The following RBFOX3 variants were observed in gnomAD, a reference collection of about 807,000 sequenced individuals.
RBFOX3 encodes RNA binding protein fox-1 homolog 3.
A neutral mutation model predicts 48.7 loss-of-function variants in RBFOX3; 17 were observed. That is an observed-to-expected ratio of 0.35 (90% CI 0.24 to 0.52). The LOEUF (loss-of-function observed/expected upper bound fraction) is 0.52, where lower values mean the gene tolerates loss of function less well. Among genes scored for constraint, RBFOX3 ranks in the 20% least tolerant of loss-of-function variants. The probability of loss-of-function intolerance (pLI) is 0.94; values close to 1 mark genes in which losing one functional copy is unlikely to be tolerated. For missense variants in RBFOX3, 382 were observed against 497.5 expected (o/e 0.77, Z 2.21); for synonymous variants, 212 against 209.5 (o/e 1.01, Z -0.10).
the RBFOX3 span, among the ~76,000 whole-genome samples, chr17:79,623,306 G>A: frequency 6.6e-6 from 1 of 152,208 alleles, no homozygotes; most frequent in Non-Finnish European, 1.5e-5. Flanking sequence ...CCCACAGCCT[G>A]GGCGCTGAGT....
intron 3 of RBFOX3, among the ~76,000 whole-genome samples, chr17:79,285,649 C>T: frequency 6.6e-6 from 1 of 152,194 alleles, no homozygotes; most frequent in South Asian, 2.1e-4. Flanking sequence ...CCTTTATCTG[C>T]TTTGATAAGG....
chr17:79,366,777 C>T (rs1022133195), intron 2 of RBFOX3, among the ~76,000 whole-genome samples: 6 of 152,344 alleles, frequency 3.9e-5, no homozygotes, highest in South Asian at 2.1e-4. Flanking sequence ...CCCAGCAGGA[C>T]GACCCTTGTC....
chr17:79,647,549 C>T, the RBFOX3 span, among the ~76,000 whole-genome samples: 1 of 152,158 alleles, frequency 6.6e-6, no homozygotes, highest in African/African-American at 2.4e-5. Flanking sequence ...CATTTCCCGG[C>T]ACTGGGAAAT....
intron 1 of RBFOX3, among the ~76,000 whole-genome samples, chr17:79,512,728 C>A (rs372178028): frequency 0.027 from 1,711 of 62,540 alleles, 161 homozygotes; most frequent in East Asian, 0.075. Flanking sequence ...CACCCGGATA[C>A]GTGTTACCAT....
chr17:79,105,468 A>G (rs745312762), intron 6 of RBFOX3, among the ~76,000 whole-genome samples: 7 of 151,930 alleles, frequency 4.6e-5, no homozygotes, highest in Non-Finnish European at 7.4e-5. Flanking sequence ...CCAGGCCCAG[A>G]GAAACCTGGC....
intron 4 of RBFOX3, among the ~76,000 whole-genome samples, chr17:79,175,882 C>T (rs947417688): frequency 6.6e-6 from 1 of 152,226 alleles, no homozygotes; most frequent in African/African-American, 2.4e-5. Flanking sequence ...ACACAGACGC[C>T]CCGGCTGGAA....
At chr17:79,457,239 G>T (rs1290779004) in intron 2 of RBFOX3, among the ~76,000 whole-genome samples, 1 of 152,200 alleles carries the variant, frequency 6.6e-6, no homozygotes, top group Admixed American at 6.5e-5. Context: ...GACGGATGAG[G>T]GCCTCATGGC....
chr17:79,139,631 T>C (rs1599629361), intron 4 of RBFOX3, among the ~76,000 whole-genome samples: 4 of 152,268 alleles, frequency 2.6e-5, no homozygotes, highest in Admixed American at 6.5e-5. Flanking sequence ...GACTCTCCTG[T>C]GGGTGGGCAC....
At chr17:79,629,915 C>T in the RBFOX3 span, among the ~76,000 whole-genome samples, 2,137 of 152,246 alleles carry the variant, frequency 0.014, 135 homozygotes, top group Admixed American at 0.11. Context: ...CCCAGGCCTC[C>T]GAAGCAGGCT....
At chr17:79,131,716 A>C (rs1295958672) in intron 4 of RBFOX3, among the ~76,000 whole-genome samples, 1 of 152,162 alleles carries the variant, frequency 6.6e-6, no homozygotes, top group Non-Finnish European at 1.5e-5. Flanking sequence ...AAGGGGTCAG[A>C]TATTGAGGGG....
chr17:79,210,149 T>TG (rs2058177458), intron 4 of RBFOX3, among the ~76,000 whole-genome samples: 1 of 152,092 alleles, frequency 6.6e-6, no homozygotes, highest in African/African-American at 2.4e-5. Context: ...TGTACCTGCC[T>TG]GGGGGGAGGG....
At chr17:79,574,376 G>A (rs1416443936) in intron 1 of RBFOX3, among the ~76,000 whole-genome samples, 6 of 152,122 alleles carry the variant, frequency 3.9e-5, no homozygotes, top group Middle Eastern at 3.2e-3. Flanking sequence ...TAAAGAAGCC[G>A]GCCAAAACCC....
intron 3 of RBFOX3, among the ~76,000 whole-genome samples, chr17:79,239,367 C>A (rs982226936): frequency 6.6e-6 from 1 of 152,196 alleles, no homozygotes; most frequent in Non-Finnish European, 1.5e-5. Context: ...TGCTCTCAGC[C>A]ACTCAGCGGG....
At chr17:79,192,665 A>G (rs533981688) in intron 4 of RBFOX3, among the ~76,000 whole-genome samples, 2 of 152,266 alleles carry the variant, frequency 1.3e-5, no homozygotes, top group South Asian at 2.1e-4. Context: ...ACCGGGCACG[A>G]GAGTGAGACC....
intron 4 of RBFOX3, among the ~76,000 whole-genome samples, chr17:79,158,156 C>A (rs1390958054): frequency 6.6e-6 from 1 of 152,192 alleles, no homozygotes; most frequent in East Asian, 1.9e-4. Flanking sequence ...GGACACAGGG[C>A]AACGACAGCC....
At chr17:79,493,343 G>A (rs2149626019) in intron 1 of RBFOX3, among the ~76,000 whole-genome samples, 1 of 152,272 alleles carries the variant, frequency 6.6e-6, no homozygotes, top group African/African-American at 2.4e-5. Flanking sequence ...ACGAGAGTTG[G>A]AGGGGGACAC....
chr17:79,624,990 C>T, the RBFOX3 span, among the ~76,000 whole-genome samples: 2 of 152,028 alleles, frequency 1.3e-5, no homozygotes, highest in African/African-American at 2.4e-5. Flanking sequence ...GTTTAAAGGG[C>T]GTGATTGAGG....
rs964782731 is a variant in RBFOX3, at chr17:79,472,121, G to A, written c.-175+10333C>T. Among the ~76,000 whole-genome samples the A allele has an allele frequency of 3.3e-5, 5 of 152,142 alleles. No homozygotes were observed. In the South Asian group the frequency reaches 6.2e-4, roughly 19 times the overall value. On this transcript the variant is annotated intron_variant, in intron 2 of 14. Transcript: ENST00000693108. ...CCAGAGGGCAGGAAGGTGGGGTGGG[G>A]GTGGGCTCTGGGTCATGCCCACTTG...
chr17:79,116,806 G>C (rs1186276994), intron 4 of RBFOX3, among the ~76,000 whole-genome samples: 1 of 152,242 alleles, frequency 6.6e-6, no homozygotes, highest in Non-Finnish European at 1.5e-5. Context: ...GAGGCTCTTA[G>C]AAGCCCAGGC....
Sources: allele counts gnomAD v4.1 joint callset (sites outside exome capture counted in the v4.1 genomes callset), GRCh38; gene constraint gnomAD v4.1.1; transcripts MANE v1.5; gene names NCBI Gene and HGNC (gene_info 2026-07-23, HGNC 2026-07-21).